Variants in VAC14 observed in about 807,000 individuals in gnomAD.
VAC14 encodes VAC14 component of PIKFYVE complex, also known as protein VAC14 homolog.
VAC14 carries 47 observed loss-of-function variants against 85.3 expected under a neutral mutation model. That is an observed-to-expected ratio of 0.55 (90% CI 0.44 to 0.70). The LOEUF is 0.70. Among genes scored for constraint, VAC14 ranks in the 30% least tolerant of loss-of-function variants. The pLI, the probability that VAC14 is intolerant of heterozygous loss-of-function variation, is 0.00. For missense variants in VAC14, 861 were observed against 1,004.3 expected (o/e 0.86, Z 1.93); for synonymous variants, 447 against 430.5 (o/e 1.04, Z -0.47).
In VAC14 at chr16:70,688,081, T is replaced by C. The variant is rs748798745; in HGVS notation, c.2196A>G (p.Leu732=). ...NPELLQTEDS[L]KAAPKSQKAD... is the part of the protein sequence containing the mutation. The stretch of plus-strand genomic sequence containing the variant: ...CTTTCTGGGACTTGGGGGCTGCCTT[T>C]AGACTGTCTCTGGGAAGAGGGAGCA... Residue 732 remains leucine, a synonymous_variant, in exon 19 of 19, where the codon CTA becomes CTG. Coordinates refer to ENST00000261776, the MANE Select transcript of VAC14 (RefSeq NM_018052.5). 2.5e-6 allele frequency: 4 copies of C among 1,581,638 alleles called. No homozygotes were observed.
chr16:70,710,501 C>G (rs1357847210), intron 14 of VAC14, among the ~76,000 whole-genome samples: 1 of 152,212 alleles, frequency 6.6e-6, no homozygotes, highest in Non-Finnish European at 1.5e-5. Context: ...GTAAGGTGGC[C>G]AGAGCTACTC....
At chr16:70,768,604 GGGGC>G in intron 10 of VAC14, 1 of 322,340 alleles carries the variant, frequency 3.1e-6, no homozygotes, top group Non-Finnish European at 6.1e-6. Context: ...GGGGCCACCA[GGGGC>G]TTCCCGAGTA....
chr16:70,689,376 T>G (rs966466259), intron 18 of VAC14: 5 of 985,208 alleles, frequency 5.1e-6, no homozygotes, highest in Non-Finnish European at 6.0e-6. Flanking sequence ...GGAGGCCATT[T>G]TGGGGGAGAC....
At chr16:70,793,313 G>A (rs1349867976) in intron 1 of VAC14, among the ~76,000 whole-genome samples, 3 of 152,186 alleles carry the variant, frequency 2.0e-5, no homozygotes, top group Non-Finnish European at 4.4e-5. Flanking sequence ...GCCAGGCAAC[G>A]TGCTGCATGT....
chr16:70,698,093 C>A (rs1812218456), intron 15 of VAC14, among the ~76,000 whole-genome samples: 1 of 152,232 alleles, frequency 6.6e-6, no homozygotes, highest in African/African-American at 2.4e-5. Flanking sequence ...GTCGTTGGTG[C>A]ATCCCCATCC....
intron 7 of VAC14, among the ~76,000 whole-genome samples, chr16:70,782,800 A>C (rs2033874533): frequency 6.6e-6 from 1 of 152,210 alleles, no homozygotes; most frequent in South Asian, 2.1e-4. Flanking sequence ...CACACAGGCC[A>C]CACACACCAG....
intron 1 of VAC14, among the ~76,000 whole-genome samples, chr16:70,797,827 C>T (rs2034608427): frequency 1.3e-5 from 2 of 152,178 alleles, no homozygotes; most frequent in Admixed American, 1.3e-4. Context: ...TCCCTGCTCA[C>T]TCTCTTTTGC....
intron 14 of VAC14, among the ~76,000 whole-genome samples, chr16:70,727,769 G>A (rs2054472757): frequency 6.6e-6 from 1 of 152,260 alleles, no homozygotes; most frequent in South Asian, 2.1e-4. Flanking sequence ...GGAGCATGGG[G>A]AGGATGGAGG....
At chr16:70,745,370 C>A (rs191590217) in intron 12 of VAC14, among the ~76,000 whole-genome samples, 1 of 152,324 alleles carries the variant, frequency 6.6e-6, no homozygotes, top group Admixed American at 6.5e-5. Flanking sequence ...CGCACAGCAC[C>A]CATCTTTGCC....
At chr16:70,752,110 C>T (rs1034943758) in intron 12 of VAC14, among the ~76,000 whole-genome samples, 5 of 152,292 alleles carry the variant, frequency 3.3e-5, no homozygotes, top group East Asian at 1.9e-4. Flanking sequence ...GTTTGTGTTG[C>T]GTGACTTTGA....
chr16:70,692,748 C>G, intron 18 of VAC14, 73 bp downstream of exon 18: 1 of 1,540,448 alleles, frequency 6.5e-7, no homozygotes, highest in Non-Finnish European at 8.7e-7. Context: ...CTGGCAAGGC[C>G]CTTCCTCACC....
chr16:70,701,016 C>G (rs903798291), intron 14 of VAC14, among the ~76,000 whole-genome samples: 4 of 152,122 alleles, frequency 2.6e-5, no homozygotes, highest in Admixed American at 2.0e-4. Context: ...GAAGCGGGCA[C>G]CCAGACCTCC....
At chr16:70,692,177 G>T in intron 18 of VAC14, 1 of 788,116 alleles carries the variant, frequency 1.3e-6, no homozygotes, top group Non-Finnish European at 1.5e-6. Context: ...TTCAGGGTGG[G>T]AGCCGGCACT....
chr16:70,709,111 A>C (rs1319141141), intron 14 of VAC14, among the ~76,000 whole-genome samples: 2 of 152,216 alleles, frequency 1.3e-5, no homozygotes, highest in African/African-American at 2.4e-5. Flanking sequence ...ATGACAGTAC[A>C]TTAGGAACAT....
Position 70,713,248 on chromosome 16 carries a change from C to T in VAC14, c.1662-14437G>A, listed in dbSNP as rs1276315908. ...CGCCAGCAGATGAGGAAAGTCTTAT[C>T]AATGGAGACGAAGCCCCCATCTCCA... On this transcript the variant is annotated intron_variant, in intron 14 of 18. Transcript: ENST00000261776. Among the ~76,000 whole-genome samples the T allele has an allele frequency of 3.3e-5, 5 of 152,192 alleles. No homozygotes were observed. In the East Asian group the frequency reaches 7.7e-4, roughly 23 times the overall value.
At chr16:70,725,883 T>C (rs563058830) in intron 14 of VAC14, among the ~76,000 whole-genome samples, 1 of 152,330 alleles carries the variant, frequency 6.6e-6, no homozygotes, top group African/African-American at 2.4e-5. Context: ...GGCCCTGGCA[T>C]TCACCGCATA....
intron 18 of VAC14, chr16:70,691,220 G>A (rs2053589068): frequency 1.0e-6 from 1 of 985,322 alleles, no homozygotes; most frequent in African/African-American, 1.7e-5. Context: ...CCCAAGACGA[G>A]GAGATCAGCA....
At chr16:70,800,115 A>G (rs1412611084) in intron 1 of VAC14, among the ~76,000 whole-genome samples, 1 of 152,196 alleles carries the variant, frequency 6.6e-6, no homozygotes, top group African/African-American at 2.4e-5. Flanking sequence ...CACAAAAGTA[A>G]AATAATACTG....
rs1759598402 is a variant in VAC14, at chr16:70,781,966, C to T, written c.849G>A (p.Arg283=). 6.2e-7 allele frequency: 1 copy of T among 1,614,006 alleles called. No individual in the cohort carries two copies. The highest frequency in any genetic ancestry group is 1.1e-5 in the South Asian group (1 of 91,082). ...LIQLTAMCWM[R]EFIQLAGRVM... ...CGCGGCCCGCCAGCTGGATGAACTC[C>T]CGCATCCAGCACATGGCTGTCAGCT... is the stretch of plus-strand genomic sequence containing the variant. Residue 283 remains arginine, a synonymous_variant, in exon 8 of 19, where the codon CGG becomes CGA. Coordinates refer to ENST00000261776, the MANE Select transcript of VAC14 (RefSeq NM_018052.5).
Sources: allele counts gnomAD v4.1 joint callset (sites outside exome capture counted in the v4.1 genomes callset), GRCh38; gene constraint gnomAD v4.1.1; transcripts MANE v1.5; gene names NCBI Gene and HGNC (gene_info 2026-07-23, HGNC 2026-07-21).